The following VPS13A variants were observed in gnomAD, a reference collection of about 807,000 sequenced individuals.
VPS13A encodes vacuolar protein sorting 13 homolog A.
In VPS13A, 264 loss-of-function variants were observed where a neutral mutation model predicts 390.9. The observed-to-expected ratio is 0.68, with a 90% CI of 0.61 to 0.75. The LOEUF (loss-of-function observed/expected upper bound fraction) is 0.75, where lower values mean the gene tolerates loss of function less well. VPS13A is among the 30% of genes least tolerant of loss of function. The pLI is 0.00. For missense variants in VPS13A, 3,409 were observed against 3,733.9 expected, an observed-to-expected ratio of 0.91 and a Z score of 2.27; for synonymous variants, 1,231 against 1,227.1, an observed-to-expected ratio of 1.00 and a Z score of -0.07.
Position 77,358,387 on chromosome 9 carries a change from CCCTTT to C in VPS13A, c.7985_7989del (p.Pro2662ArgfsTer6). ...AAATCAGATACATGGTGCTGTATTT[CCCTTT>C]GTGTTTTATCCTGTTAAACCTCCAA... On this transcript the variant is annotated frameshift_variant, in exon 57 of 72. Transcript: ENST00000360280. LOFTEE classifies it high-confidence loss of function. 2 of 1,613,472 alleles carry C rather than the reference CCCTTT, an allele frequency of 1.2e-6. No individual in the cohort carries two copies. Among genetic ancestry groups the C allele is most frequent in the Non-Finnish European group, 1.7e-6 (2 of 1,179,870 alleles).
At chr9:77,355,819 G>C (rs1050718692) in intron 54 of VPS13A, among the ~76,000 whole-genome samples, 2 of 152,114 alleles carry the variant, frequency 1.3e-5, no homozygotes, top group Admixed American at 6.5e-5. Flanking sequence ...TACCTTCAAA[G>C]TGCACATAGA....
At chr9:77,279,819 G>T in intron 26 of VPS13A, 1 of 196,340 alleles carries the variant, frequency 5.1e-6, no homozygotes, top group Non-Finnish European at 1.0e-5. Context: ...CAGTGATCCA[G>T]GGCCAGAATT....
chr9:77,317,761 A>G, intron 40 of VPS13A, 63 bp downstream of exon 40: 1 of 1,252,530 alleles, frequency 8.0e-7, no homozygotes, highest in Non-Finnish European at 1.1e-6. Context: ...AAGCCTAGAA[A>G]GTTATTATAG....
intron 31 of VPS13A, among the ~76,000 whole-genome samples, chr9:77,291,803 G>GT (rs1402762699): frequency 3.3e-5 from 5 of 152,270 alleles, no homozygotes; most frequent in Admixed American, 3.3e-4. Flanking sequence ...AGCCAGGGCT[G>GT]TTTCTGTGAG....
intron 34 of VPS13A, among the ~76,000 whole-genome samples, chr9:77,307,609 G>T (rs1291019746): frequency 1.3e-5 from 2 of 152,026 alleles, no homozygotes; most frequent in African/African-American, 2.4e-5. Context: ...GTAAAATGAG[G>T]TGCTTACTAA....
chr9:77,255,519 T>C (rs1209441371), intron 22 of VPS13A, among the ~76,000 whole-genome samples: 1 of 152,138 alleles, frequency 6.6e-6, no homozygotes, highest in Non-Finnish European at 1.5e-5. Context: ...TCTTTTCTTC[T>C]AGTATCTTTG....
At chr9:77,237,640 C>T (rs962480165) in intron 17 of VPS13A, among the ~76,000 whole-genome samples, 18 of 152,148 alleles carry the variant, frequency 1.2e-4, no homozygotes, top group African/African-American at 4.1e-4. Flanking sequence ...GCTGGGATTA[C>T]GGGTGTGAGC....
At chr9:77,307,904 A>G (rs1321247521) in intron 34 of VPS13A, 41 bp from the exon 35 acceptor site, 1 of 1,498,458 alleles carries the variant, frequency 6.7e-7, no homozygotes, top group Non-Finnish European at 9.2e-7. Context: ...TCTGCAATGA[A>G]GTAGCAGTGC....
chr9:77,251,984 C>T lies in VPS13A; in HGVS notation c.2171-251C>T, dbSNP rs557114998. On this transcript the variant is annotated intron_variant, in intron 21 of 71. Coordinates refer to ENST00000360280, the MANE Select transcript of VPS13A (RefSeq NM_033305.3). ...GTTAAAGAACCTCACTTTTTACTAC[C>T]TTTTGCATTATTGCTTTACTGCCAT... Among the ~76,000 whole-genome samples the T allele has an allele frequency of 7.9e-5, 12 of 152,068 alleles. No homozygotes were observed. In the East Asian group the frequency reaches 2.3e-3, roughly 29 times the overall value.
At chr9:77,180,007 A>C (rs1190577707) in intron 1 of VPS13A, among the ~76,000 whole-genome samples, 1 of 152,148 alleles carries the variant, frequency 6.6e-6, no homozygotes, top group Non-Finnish European at 1.5e-5. Flanking sequence ...TGTATTTTCA[A>C]GGTTCCTCCA....
At position 77,418,233 on chromosome 9, in the gene VPS13A, T is replaced by C. The variant is rs1275501036; in HGVS notation, c.*2227T>C. On this transcript the variant is annotated 3_prime_UTR_variant, in exon 72 of 72. Coordinates refer to ENST00000360280, the MANE Select transcript of VPS13A (RefSeq NM_033305.3). ...CTGGAGAAATTTAAGCTTGTCTTAGTTGTTTGGTAGTGGCTATGGAATGAG... is the reference window on the plus strand; with the variant it reads ...CTGGAGAAATTTAAGCTTGTCTTAGCTGTTTGGTAGTGGCTATGGAATGAG... 6.7e-6 allele frequency: 1 copy of C among 149,774 alleles called. No individual in the cohort carries two copies. The highest frequency in any genetic ancestry group is 1.5e-5 in the Non-Finnish European group (1 of 67,414). The allele number at this position is 149,774 out of a possible 1,614,324, so 9.3% of individuals were successfully genotyped here.
In VPS13A at chr9:77,282,249, C is replaced by A. The variant is rs1157626706; in HGVS notation, c.3093C>A (p.Asp1031Glu). ...CAGTGTCCACTACAGAGACTGAAGA[C>A]AAAGGAGATGTCATTAAAAAATTAG... The part of the protein sequence containing the change: ...SAPVSTTETE[D>E]KGDVIKKLAL... The change falls in exon 29 of 72, where the codon GAC (aspartate) becomes GAA (glutamate). Residue 1031 changes from aspartate to glutamate, a missense_variant. Coordinates refer to ENST00000360280, the MANE Select transcript of VPS13A (RefSeq NM_033305.3). The A allele has an allele frequency of 5.0e-6, 8 of 1,612,288 alleles. No individual in the cohort carries two copies. The highest frequency in any genetic ancestry group is 6.8e-6 in the Non-Finnish European group (8 of 1,179,402).
At position 77,353,626 on chromosome 9, in the gene VPS13A, A is replaced by T. The variant is rs922747368; in HGVS notation, c.7637A>T (p.Tyr2546Phe). ...AATTACACGAAGCAAGAAGTAGCCTATATAGGCATTACAAGGTTAGATGCA... is the reference window on the plus strand; with the variant it reads ...AATTACACGAAGCAAGAAGTAGCCTTTATAGGCATTACAAGGTTAGATGCA... ...VNNYTKQEVA[Y>F]IGITSSDVVW... Residue 2546 changes from tyrosine to phenylalanine, a missense_variant, in exon 54 of 72, where the codon TAT (tyrosine) becomes TTT (phenylalanine). Physicochemically the swap from Tyr to Phe is conservative, Grantham distance 22. Coordinates refer to ENST00000360280, the MANE Select transcript of VPS13A (RefSeq NM_033305.3). The T allele has an allele frequency of 9.9e-6, 16 of 1,613,230 alleles. No homozygotes were observed. The Admixed American group carries it at 1.3e-4, about 13-fold the overall frequency.
chr9:77,314,178 T>A, intron 36 of VPS13A, 59 bp downstream of exon 36: 1 of 1,576,632 alleles, frequency 6.3e-7, no homozygotes, highest in East Asian at 2.3e-5. Flanking sequence ...TAGGTTGATG[T>A]TTTTAAAGTA....
chr9:77,285,828 T>C (rs142783800), intron 31 of VPS13A, among the ~76,000 whole-genome samples: 140 of 152,344 alleles, frequency 9.2e-4, no homozygotes, highest in African/African-American at 3.2e-3. Flanking sequence ...ATTTGATTGA[T>C]ATACCACTTA....
intron 68 of VPS13A, among the ~76,000 whole-genome samples, chr9:77,389,479 A>T (rs1007344443): frequency 6.6e-6 from 1 of 151,850 alleles, no homozygotes; most frequent in Non-Finnish European, 1.5e-5. Flanking sequence ...CTAATTTTTT[A>T]AATTTTTTCG....
At position 77,177,545 on chromosome 9, in the gene VPS13A, T is replaced by C; in HGVS notation, c.-160T>C. 1.5e-6 allele frequency: 1 copy of C among 668,436 alleles called. No homozygotes were observed. 41.4% of individuals were successfully genotyped at this position (668,436 alleles called of 1,614,324 possible). A position where few individuals can be genotyped will look rare whatever the true frequency, so the allele number is the denominator to read the frequency against. On this transcript the variant is annotated 5_prime_UTR_variant, in exon 1 of 72. Coordinates refer to ENST00000360280, the MANE Select transcript of VPS13A (RefSeq NM_033305.3). ...TCGTGAGAGCGACCGCCTCCGTCTC[T>C]CGCTGGGCTCGCTAGGGCTGCGCGT...
In VPS13A at chr9:77,295,668, A is replaced by G. The variant is rs759614520; in HGVS notation, c.3634A>G (p.Asn1212Asp). ...QRSSRMALDINIKAPVVVIPQ... is the reference protein window; with the variant it reads ...QRSSRMALDIDIKAPVVVIPQ... The stretch of plus-strand genomic sequence containing the variant: ...GAGTTCCAGAATGGCACTGGATATT[A>G]ACATCAAAGCCCCAGTTGTGGTCAT... Residue 1212 changes from asparagine (N) to aspartate (D), a missense_variant, in exon 33 of 72, where the codon AAC becomes GAC. Physicochemically the swap from Asn to Asp is conservative, Grantham distance 23 (BLOSUM62 1). Coordinates refer to ENST00000360280, the MANE Select transcript of VPS13A (RefSeq NM_033305.3). 1 of 1,614,074 alleles carries G rather than the reference A, an allele frequency of 6.2e-7. No individual in the cohort carries two copies. The highest frequency in any genetic ancestry group is 1.1e-5 in the South Asian group (1 of 91,080).
intron 68 of VPS13A, chr9:77,384,712 A>G: frequency 6.3e-7 from 1 of 1,577,432 alleles, no homozygotes; most frequent in Non-Finnish European, 8.6e-7. Context: ...TTTACTTGGA[A>G]TGTTTCATTA....
Sources: allele counts gnomAD v4.1 joint callset (sites outside exome capture counted in the v4.1 genomes callset), GRCh38; gene constraint gnomAD v4.1.1; transcripts MANE v1.5; gene names NCBI Gene and HGNC (gene_info 2026-07-23, HGNC 2026-07-21).